Variants in GNAL observed in about 807,000 individuals in gnomAD.
GNAL encodes the protein G protein subunit alpha L.
Under a neutral mutation model 55.1 loss-of-function variants are expected in GNAL, and 18 were observed. The ratio of observed to expected loss-of-function variants is 0.33; its 90% confidence interval spans 0.23 to 0.48. The LOEUF (loss-of-function observed/expected upper bound fraction) is 0.48. GNAL is among the 20% of genes least tolerant of loss of function. The probability of loss-of-function intolerance (pLI) is 0.99; values close to 1 mark genes in which losing one functional copy is unlikely to be tolerated. For synonymous variants in GNAL, 253 were observed against 237.0 expected, an observed-to-expected ratio of 1.07 and a Z score of -0.62; for missense variants, 412 against 614.1, an observed-to-expected ratio of 0.67 and a Z score of 3.48.
intron 4 of GNAL, among the ~76,000 whole-genome samples, chr18:11,808,770 A>T (rs1308158663): frequency 6.6e-6 from 1 of 152,276 alleles, no homozygotes; most frequent in Non-Finnish European, 1.5e-5. Flanking sequence ...CAAATGACAG[A>T]TGGATCAACA....
chr18:11,696,837 T>G (rs1011475312), intron 1 of GNAL, among the ~76,000 whole-genome samples: 1 of 152,114 alleles, frequency 6.6e-6, no homozygotes, highest in South Asian at 2.1e-4. Flanking sequence ...ATATGACCAT[T>G]TTATGAACAC....
At chr18:11,823,389 A>ACAGATG (rs1338092744) in intron 4 of GNAL, among the ~76,000 whole-genome samples, 27 of 152,294 alleles carry the variant, frequency 1.8e-4, no homozygotes, top group African/African-American at 6.3e-4. Flanking sequence ...ATGGTGACAG[A>ACAGATG]CAGATGCAGA....
intron 5 of GNAL, among the ~76,000 whole-genome samples, chr18:11,832,091 C>T (rs1393833984): frequency 4.6e-5 from 7 of 152,158 alleles, no homozygotes; most frequent in Non-Finnish European, 7.3e-5. Flanking sequence ...AATGCATTTC[C>T]TCTAAGTCCT....
At chr18:11,690,562 ACT>A (rs373377689) in intron 1 of GNAL, among the ~76,000 whole-genome samples, 6 of 146,954 alleles carry the variant, frequency 4.1e-5, no homozygotes, top group African/African-American at 1.5e-4. Flanking sequence ...GCACCCATTA[ACT>A]CGTCATTTAG....
chr18:11,771,308 T>C (rs1014452449), intron 4 of GNAL, among the ~76,000 whole-genome samples: 1 of 152,104 alleles, frequency 6.6e-6, no homozygotes, highest in African/African-American at 2.4e-5. Context: ...TATATCATCA[T>C]GTGAATTTTC....
chr18:11,883,063 G>GTCTT lies in GNAL; in HGVS notation c.*1930_*1933dup, dbSNP rs1216308019. The GTCTT allele has an allele frequency of 6.6e-6, 1 of 152,030 alleles. No homozygotes were observed. The highest frequency in any genetic ancestry group is 2.4e-5 in the African/African-American group (1 of 41,402). 9.4% of individuals were successfully genotyped at this position (152,030 alleles called of 1,614,324 possible). ...TTACTTCATTATTACTCTTCTTTTA[G>GTCTT]TCTTTAGTCTTTAATATTTTAAAGT... On this transcript the variant is annotated 3_prime_UTR_variant, in exon 12 of 12. Coordinates refer to ENST00000334049, the MANE Select transcript of GNAL (RefSeq NM_182978.4).
At chr18:11,874,337 G>T (rs544494584) in intron 10 of GNAL, 2 of 151,854 alleles carry the variant, frequency 1.3e-5, no homozygotes, top group Non-Finnish European at 2.9e-5. Flanking sequence ...CTAACAGTTG[G>T]TCCATGTGAC....
intron 1 of GNAL, among the ~76,000 whole-genome samples, chr18:11,735,201 C>T: frequency 6.6e-6 from 1 of 151,698 alleles, no homozygotes; most frequent in Non-Finnish European, 1.5e-5. Flanking sequence ...CAGGCTCGCA[C>T]CACCACACCC....
At chr18:11,816,985 G>T (rs1470349134) in intron 4 of GNAL, among the ~76,000 whole-genome samples, 1 of 152,058 alleles carries the variant, frequency 6.6e-6, no homozygotes, top group African/African-American at 2.4e-5. Flanking sequence ...GGTGGTTGGG[G>T]CCTGGGGTGG....
intron 5 of GNAL, among the ~76,000 whole-genome samples, chr18:11,839,293 C>G (rs764131849): frequency 6.6e-6 from 1 of 151,862 alleles, no homozygotes; most frequent in African/African-American, 2.4e-5. Context: ...CCTGTAATCT[C>G]AACACTTTGG....
chr18:11,757,265 T>G (rs891547141), intron 4 of GNAL, among the ~76,000 whole-genome samples: 4 of 151,926 alleles, frequency 2.6e-5, no homozygotes, highest in Non-Finnish European at 4.4e-5. Flanking sequence ...TGTGGGGAGG[T>G]CAGAGAGACT....
rs1456992668 is a variant in GNAL at position 11,851,895 on chromosome 18, G to C, written c.723-10500G>C. 1.9e-6 allele frequency: 3 copies of C among 1,613,880 alleles called. No individual in the cohort carries two copies. In the African/African-American group the frequency reaches 4.0e-5, roughly 22 times the overall value. ...ACCAGTTTGAGACTCTGGACGTCCA[G>C]ACGCAGCAAATGGAAGACACGATGA... On this transcript the variant is annotated intron_variant, in intron 5 of 11. Transcript: ENST00000334049.
intron 4 of GNAL, among the ~76,000 whole-genome samples, chr18:11,797,283 A>G (rs747199804): frequency 6.6e-6 from 1 of 152,156 alleles, no homozygotes; most frequent in Non-Finnish European, 1.5e-5. Flanking sequence ...ATGTTGCTAT[A>G]TTGTTTCTTT....
intron 1 of GNAL, among the ~76,000 whole-genome samples, chr18:11,730,859 C>T (rs1458923335): frequency 6.6e-6 from 1 of 152,146 alleles, no homozygotes; most frequent in Non-Finnish European, 1.5e-5. Flanking sequence ...GATACTATAC[C>T]AGAGTCAAAT....
intron 4 of GNAL, among the ~76,000 whole-genome samples, chr18:11,773,573 C>T (rs1398366529): frequency 1.3e-5 from 2 of 152,076 alleles, no homozygotes; most frequent in African/African-American, 4.8e-5. Flanking sequence ...CAAGACCAGA[C>T]CAGCCTGGGC....
intron 5 of GNAL, among the ~76,000 whole-genome samples, chr18:11,859,328 C>T (rs2036077328): frequency 1.3e-5 from 2 of 152,208 alleles, no homozygotes; most frequent in Non-Finnish European, 2.9e-5. Context: ...CCCACCCCGG[C>T]AGAAACTTCT....
chr18:11,718,825 G>A (rs990399986), intron 1 of GNAL, among the ~76,000 whole-genome samples: 2 of 152,146 alleles, frequency 1.3e-5, no homozygotes, highest in Non-Finnish European at 2.9e-5. Context: ...ATGTAGTGAA[G>A]AATGGTTAAT....
intron 5 of GNAL, chr18:11,851,319 C>A: frequency 1.6e-6 from 1 of 642,400 alleles, no homozygotes. Flanking sequence ...CCACAGGCCC[C>A]ACCCCGGCGC....
Position 11,868,353 on chromosome 18 carries a change from G to A in GNAL, c.911-190G>A, listed in dbSNP as rs1178463740. ...AAATTTACATGTGTCTTTTGGGGTG[G>A]GCTCTTCATCAAGTGCGTTACTGAA... On this transcript the variant is annotated intron_variant, in intron 8 of 11. Transcript: ENST00000334049. This position sits in a 1 kb window ranked among gnomAD's most constrained non-coding sequence, Gnocchi z 4.0. Among the ~76,000 whole-genome samples, 1 of 151,996 alleles carries A rather than the reference G, an allele frequency of 6.6e-6. No homozygotes were observed. The highest frequency in any genetic ancestry group is 1.5e-5 in the Non-Finnish European group (1 of 68,004).
Sources: allele counts gnomAD v4.1 joint callset (sites outside exome capture counted in the v4.1 genomes callset), GRCh38; gene constraint gnomAD v4.1.1; non-coding constraint Gnocchi (gnomAD v3.1); transcripts MANE v1.5; gene names NCBI Gene and HGNC (gene_info 2026-07-23, HGNC 2026-07-21).